The following GFM2 variants were observed in gnomAD, a reference collection of about 807,000 sequenced individuals.
GFM2 encodes the protein GTP dependent ribosome recycling factor mitochondrial 2, also known as ribosome-releasing factor 2, mitochondrial.
A neutral mutation model predicts 95.4 loss-of-function variants in GFM2; 72 were observed. The observed-to-expected ratio is 0.76, with a 90% confidence interval of 0.62 to 0.92. The LOEUF (loss-of-function observed/expected upper bound fraction) is 0.92. Ranked by LOEUF, GFM2 falls within the 40% of genes least tolerant of loss-of-function variation. GFM2 has a pLI of 0.00. For missense variants in GFM2, 825 were observed against 924.1 expected (o/e 0.89, Z 1.39); for synonymous variants, 276 against 317.5 (o/e 0.87, Z 1.39).
At chr5:74,744,268 C>T (rs1743267692) in intron 10 of GFM2, among the ~76,000 whole-genome samples, 1 of 151,482 alleles carries the variant, frequency 6.6e-6, no homozygotes, top group African/African-American at 2.4e-5. Context: ...AGAAAAGGTA[C>T]AGGAAAAATA....
At chr5:74,733,234 T>A in intron 15 of GFM2, 136 bp from the exon 16 acceptor site, 1 of 607,746 alleles carries the variant, frequency 1.6e-6, no homozygotes, top group Non-Finnish European at 2.9e-6. Flanking sequence ...CTCACGTCTG[T>A]AATCCCAGCA....
intron 6 of GFM2, 122 bp downstream of exon 6, chr5:74,751,246 T>G: frequency 4.5e-6 from 4 of 885,730 alleles, no homozygotes; most frequent in Non-Finnish European, 6.9e-6. Flanking sequence ...TAAAAATGGT[T>G]GAGATGGTAA....
intron 4 of GFM2, 66 bp downstream of exon 4, chr5:74,759,303 A>C (rs1330918474): frequency 1.1e-6 from 1 of 910,776 alleles, no homozygotes; most frequent in African/African-American, 1.7e-5. Context: ...ACTCTTGTCC[A>C]TCAGAAAAAA....
rs1743034118 is a variant in GFM2, at chr5:74,740,010, T to G, written c.1058A>C (p.Glu353Ala). 2 of 1,567,070 alleles carry G rather than the reference T, an allele frequency of 1.3e-6. No homozygotes were observed. Among genetic ancestry groups the G allele is most frequent in the South Asian group, 2.4e-5 (2 of 82,416 alleles). ...DAVTMYLPSP[E>A]ERNYEFLQWY... ...TTACAGAAATTCATAGTTACGCTCT[T>G]CAGGTGAAGGTAAGTACATAGTAAC... The change falls in exon 12 of 21, where the codon GAA becomes GCA. Residue 353 changes from glutamate to alanine, a missense_variant. Coordinates refer to ENST00000296805, the MANE Select transcript of GFM2 (RefSeq NM_032380.5).
At position 74,734,121 on chromosome 5, in the gene GFM2, A is replaced by G. The variant is rs543419140; in HGVS notation, c.1511-1023T>C. Among the ~76,000 whole-genome samples, 80 of 152,224 alleles carry G rather than the reference A, an allele frequency of 5.3e-4. 1 individual carries two copies. The highest frequency in any genetic ancestry group is 1.8e-3 in the African/African-American group (76 of 41,540). On this transcript the variant is annotated intron_variant, in intron 15 of 20. Transcript: ENST00000296805. ...AAACCAGGCCTTTTAGACCCACACT[A>G]TCCAAATGGTAACCACAGCCATTTG...
chr5:74,733,483 TA>T (rs746291479), intron 15 of GFM2: 140 of 154,454 alleles, frequency 9.1e-4, no homozygotes, highest in Non-Finnish European at 1.5e-3. Context: ...GAACAAACTA[TA>T]AGCAAAATCC....
At chr5:74,748,223 G>C (rs1475738732) in intron 7 of GFM2, among the ~76,000 whole-genome samples, 2 of 152,240 alleles carry the variant, frequency 1.3e-5, no homozygotes, top group Non-Finnish European at 1.5e-5. Context: ...CACTTATTTT[G>C]AGGTAAAAGA....
At chr5:74,750,916 A>G (rs756577802) in intron 6 of GFM2, among the ~76,000 whole-genome samples, 2 of 152,216 alleles carry the variant, frequency 1.3e-5, no homozygotes, top group Non-Finnish European at 2.9e-5. Flanking sequence ...TACACATACA[A>G]TGGAATACTA....
intron 2 of GFM2, among the ~76,000 whole-genome samples, chr5:74,762,750 G>A (rs1744347219): frequency 6.6e-6 from 1 of 152,192 alleles, no homozygotes; most frequent in Non-Finnish European, 1.5e-5. Flanking sequence ...TGACTCATGG[G>A]TGGGGAGTGT....
chr5:74,757,746 AAAAAAAAAAAATT>A (rs1372809872), intron 5 of GFM2, among the ~76,000 whole-genome samples: 6 of 151,068 alleles, frequency 4.0e-5, no homozygotes, highest in Non-Finnish European at 5.9e-5. Flanking sequence ...AAAAAAAAAA[AAAAAAAAAAAATT>A]AAAAAATTAA....
intron 10 of GFM2, among the ~76,000 whole-genome samples, chr5:74,742,353 A>G (rs906130611): frequency 2.1e-4 from 32 of 152,058 alleles, no homozygotes; most frequent in African/African-American, 7.2e-4. Context: ...GGTTAAGCTC[A>G]GCTTCTGGAA....
At chr5:74,732,257 GTTT>G (rs1484997398) in intron 16 of GFM2, among the ~76,000 whole-genome samples, 13 of 149,894 alleles carry the variant, frequency 8.7e-5, no homozygotes, top group Admixed American at 7.4e-4. Context: ...TAAATAATAG[GTTT>G]TTTAAAATAA....
rs529182105 is a variant in GFM2, at chr5:74,736,364, G to A, written c.1510+432C>T. 2.0e-4 allele frequency: 194 copies of A among 984,522 alleles called. No individual in the cohort carries two copies. The South Asian group carries it at 7.4e-3, about 38-fold the overall frequency. The allele number at this position is 984,522 out of a possible 1,614,324, so 61.0% of individuals were successfully genotyped here. A position where few individuals can be genotyped will look rare whatever the true frequency, so the allele number is the denominator to read the frequency against. ...TAAAGAACAAAGTTACTAACAAAAG[G>A]TCAAACAAGATTATCCACAGTATAT... On this transcript the variant is annotated intron_variant, in intron 15 of 20. Transcript: ENST00000296805.
rs768900309 is a variant in GFM2 at position 74,722,379 on chromosome 5, C to T, written c.2211G>A (p.Met737Ile). 13 of 1,612,226 alleles carry T rather than the reference C, an allele frequency of 8.1e-6. No individual in the cohort carries two copies. In the East Asian group the frequency reaches 2.9e-4, roughly 36 times the overall value. ...VIGFVPLAEI[M>I]GYSTVLRTLT... Reference sequence around the variant, plus strand: ...TACTTTTCAGTTACAAAGTACCTACCATAATTTCTGCTAAGGGAACAAATC... The same window carrying T: ...TACTTTTCAGTTACAAAGTACCTACTATAATTTCTGCTAAGGGAACAAATC... The change falls in exon 20 of 21, where the codon ATG (methionine) becomes ATA (isoleucine). Residue 737 changes from methionine to isoleucine, a missense_variant and splice_region_variant. Coordinates refer to ENST00000296805, the MANE Select transcript of GFM2 (RefSeq NM_032380.5).
rs77099085 is a variant in GFM2 at position 74,759,397 on chromosome 5, G to T, written c.178C>A (p.His60Asn). The change falls in exon 4 of 21, where the codon CAT (histidine) becomes AAT (asparagine). Residue 60 changes from histidine (H) to asparagine (N), a missense_variant. His to Asn is a moderately conservative substitution (Grantham distance 68). Coordinates refer to ENST00000296805, the MANE Select transcript of GFM2 (RefSeq NM_032380.5). ...GCTATGGGAGGATTGATGATGGAATGAAGGGATTTGATATCATTTCCTATT... is the reference window on the plus strand; with the variant it reads ...GCTATGGGAGGATTGATGATGGAATTAAGGGATTTGATATCATTTCCTATT... ...GLIGNDIKSL[H>N]SIINPPIAKI... The T allele has an allele frequency of 1.9e-3, 2,921 of 1,535,102 alleles. 87 individuals carry two copies. The East Asian group carries it at 0.059, about 31-fold the overall frequency.
chr5:74,736,680 A>G (rs1742847477), intron 15 of GFM2, 116 bp downstream of exon 15: 1 of 1,521,604 alleles, frequency 6.6e-7, no homozygotes. Context: ...ATGTTTACCA[A>G]TATATTCAGA....
Position 74,747,779 on chromosome 5 carries a change from G to A in GFM2, c.521C>T (p.Ala174Val), listed in dbSNP as rs1198303532. Residue 174 changes from alanine (A) to valine (V), a missense_variant and splice_region_variant, in exon 8 of 21, where the codon GCC becomes GTC. Transcript: ENST00000296805. ...AVFDASAGVE[A>V]QTLTVWRQAD... Reference sequence around the variant, plus strand: ...TTGCCTCCATACTGTGAGAGTCTGGGCCTAAAGCAAAGATGAGGAAAAAAA... The same window carrying A: ...TTGCCTCCATACTGTGAGAGTCTGGACCTAAAGCAAAGATGAGGAAAAAAA... The A allele has an allele frequency of 6.3e-7, 1 of 1,589,594 alleles. No homozygotes were observed. Among genetic ancestry groups the A allele is most frequent in the Admixed American group, 1.7e-5 (1 of 58,892 alleles).
Position 74,767,084 on chromosome 5 carries a change from C to T in GFM2, c.-171G>A. The T allele has an allele frequency of 2.2e-6, 1 of 445,306 alleles. No homozygotes were observed. Among genetic ancestry groups the T allele is most frequent in the East Asian group, 3.5e-5 (1 of 28,210 alleles). 27.6% of individuals were successfully genotyped at this position (445,306 alleles called of 1,614,324 possible). On this transcript the variant is annotated 5_prime_UTR_variant, in exon 1 of 21. Transcript: ENST00000296805. ...TGTATCTAAACGAAAAGAAAATAGGCTTTCTCCGCTCTACCGCCTCGGGCA... is the reference window on the plus strand; with the variant it reads ...TGTATCTAAACGAAAAGAAAATAGGTTTTCTCCGCTCTACCGCCTCGGGCA...
intron 11 of GFM2, among the ~76,000 whole-genome samples, chr5:74,741,139 G>GA (rs1743085885): frequency 6.6e-6 from 1 of 152,050 alleles, no homozygotes; most frequent in Non-Finnish European, 1.5e-5. Context: ...AAAAGATTCA[G>GA]AAAATAATGT....
Sources: allele counts gnomAD v4.1 joint callset (sites outside exome capture counted in the v4.1 genomes callset), GRCh38; gene constraint gnomAD v4.1.1; transcripts MANE v1.5; gene names NCBI Gene and HGNC (gene_info 2026-07-23, HGNC 2026-07-21).